Variants in RASSF5 observed in about 807,000 individuals in gnomAD.
RASSF5 encodes the protein ras association domain-containing protein 5.
RASSF5 carries 25 observed loss-of-function variants against 40.5 expected under a neutral mutation model. The ratio of observed to expected loss-of-function variants is 0.62; its 90% CI spans 0.45 to 0.86. RASSF5 has a LOEUF of 0.86. RASSF5 is among the 40% of genes least tolerant of loss of function. The pLI, the probability that RASSF5 is intolerant of heterozygous loss-of-function variation, is 0.00. For synonymous variants in RASSF5, 246 were observed against 252.4 expected (o/e 0.97, Z 0.24); for missense variants, 521 against 572.8 (o/e 0.91, Z 0.92).
At chr1:206,585,085 G>A (rs556937428) in intron 4 of RASSF5, 95 bp from the exon 5 acceptor site, 19 of 850,510 alleles carry the variant, frequency 2.2e-5, no homozygotes, top group African/African-American at 1.2e-4. Context: ...CCAGTTGTAC[G>A]TACCCCACCT....
At chr1:206,550,222 A>G (rs1418243123) in intron 2 of RASSF5, among the ~76,000 whole-genome samples, 1 of 152,068 alleles carries the variant, frequency 6.6e-6, no homozygotes, top group Non-Finnish European at 1.5e-5. Flanking sequence ...CCACTGTTTC[A>G]TTAGTTGTAT....
At chr1:206,566,437 T>C (rs1930432) in intron 2 of RASSF5, among the ~76,000 whole-genome samples, 82,977 of 151,956 alleles carry the variant, frequency 0.55, 22,895 homozygotes, top group Middle Eastern at 0.68. Flanking sequence ...CAGCCTCCAA[T>C]TCGTGAACCC....
At chr1:206,573,059 T>C (rs547755966) in intron 2 of RASSF5, among the ~76,000 whole-genome samples, 3 of 152,254 alleles carry the variant, frequency 2.0e-5, no homozygotes, top group Non-Finnish European at 4.4e-5. Flanking sequence ...ATTTGGATGA[T>C]GACGCACTAG....
At chr1:206,529,789 G>A (rs782530007) in intron 1 of RASSF5, 1 of 429,264 alleles carries the variant, frequency 2.3e-6, no homozygotes, top group Non-Finnish European at 4.3e-6. Context: ...ACCAGGTGTG[G>A]TGGTGTGTGC....
At chr1:206,527,679 C>G (rs1667131488) in intron 1 of RASSF5, among the ~76,000 whole-genome samples, 1 of 152,106 alleles carries the variant, frequency 6.6e-6, no homozygotes, top group Non-Finnish European at 1.5e-5. Flanking sequence ...ACCGAAGCCT[C>G]AGGTGGGGTA....
chr1:206,549,488 C>G (rs1236097446), intron 2 of RASSF5, among the ~76,000 whole-genome samples: 1 of 151,438 alleles, frequency 6.6e-6, no homozygotes, highest in East Asian at 2.0e-4. Context: ...CAGTTGTGGT[C>G]AGTAGTCGAG....
At chr1:206,556,875 A>C (rs1218345129) in intron 2 of RASSF5, among the ~76,000 whole-genome samples, 2 of 151,636 alleles carry the variant, frequency 1.3e-5, no homozygotes, top group African/African-American at 4.9e-5. Context: ...GGGAGGAGGG[A>C]TGGTGTTGCC....
intron 1 of RASSF5, among the ~76,000 whole-genome samples, chr1:206,528,059 C>G (rs1553397460): frequency 6.6e-6 from 1 of 152,094 alleles, no homozygotes; most frequent in Non-Finnish European, 1.5e-5. Flanking sequence ...CAACTTTATT[C>G]AGAGTTGCCA....
intron 1 of RASSF5, among the ~76,000 whole-genome samples, chr1:206,515,125 T>C (rs1161801140): frequency 1.3e-5 from 2 of 152,196 alleles, no homozygotes; most frequent in African/African-American, 4.8e-5. Context: ...CGCAAGTTAG[T>C]TGAGTTTACT....
In RASSF5 at chr1:206,583,303, C is replaced by G; in HGVS notation, c.614C>G (p.Pro205Arg). The change falls in exon 3 of 6, where the codon CCG (proline) becomes CGG (arginine). Residue 205 changes from proline (P) to arginine (R), a missense_variant. By Grantham distance (103) the Pro-to-Arg change is moderately radical. This residue lies in a region of RASSF5 where 284 missense variants were observed against 360.8 expected (regional missense o/e 0.79). Coordinates refer to ENST00000579436, the MANE Select transcript of RASSF5 (RefSeq NM_182663.4). ...AAACCTGTGGAGGAGACACAGCGCC[C>G]GCCCACACTGCAGGAGATCAAGCAG... ...VCKPVEETQR[P>R]PTLQEIKQKI... 1 of 1,613,798 alleles carries G rather than the reference C, an allele frequency of 6.2e-7. No individual in the cohort carries two copies. Among genetic ancestry groups the G allele is most frequent in the Non-Finnish European group, 8.5e-7 (1 of 1,179,818 alleles).
At chr1:206,517,845 C>T (rs1376473267) in intron 1 of RASSF5, among the ~76,000 whole-genome samples, 1 of 152,156 alleles carries the variant, frequency 6.6e-6, no homozygotes, top group Non-Finnish European at 1.5e-5. Flanking sequence ...AAATGAATGG[C>T]CTGACCCTCT....
rs548916673 is a variant in RASSF5 at position 206,508,653 on chromosome 1, GC to G, written c.457+599del. Among the ~76,000 whole-genome samples the G allele has an allele frequency of 6.6e-4, 101 of 152,176 alleles. 2 individuals are homozygous for G. The highest frequency in any genetic ancestry group is 2.4e-3 in the African/African-American group (98 of 41,516). On this transcript the variant is annotated intron_variant, in intron 1 of 5. Coordinates refer to ENST00000579436, the MANE Select transcript of RASSF5 (RefSeq NM_182663.4). ...GAGCCTGAAGTCACCCTGAACCCGT[GC>G]CCCCTCCTGCCTTTCACCTCTGGCC...
intron 1 of RASSF5, among the ~76,000 whole-genome samples, chr1:206,523,440 T>A (rs1418017021): frequency 3.4e-5 from 4 of 116,682 alleles, no homozygotes. Context: ...ATATATTTTA[T>A]ATATAATATA....
At chr1:206,520,388 C>T (rs1006999619) in intron 1 of RASSF5, among the ~76,000 whole-genome samples, 12 of 152,136 alleles carry the variant, frequency 7.9e-5, no homozygotes, top group African/African-American at 2.4e-4. Flanking sequence ...AGGCAGATCA[C>T]CTGAGGTCAG....
intron 1 of RASSF5, among the ~76,000 whole-genome samples, chr1:206,527,610 C>T (rs576655199): frequency 1.0e-3 from 157 of 152,262 alleles, no homozygotes; most frequent in Admixed American, 0.01. Flanking sequence ...GGCTGAGTGG[C>T]TTGGTTGAGC....
At chr1:206,581,828 G>A (rs1223360171) in intron 2 of RASSF5, among the ~76,000 whole-genome samples, 1 of 152,084 alleles carries the variant, frequency 6.6e-6, no homozygotes, top group Non-Finnish European at 1.5e-5. Flanking sequence ...AGGGTGGCGT[G>A]TCTCCCACAT....
rs147500469 is a variant in RASSF5 at position 206,526,870 on chromosome 1, G to A, written c.458-11302G>A. 4.4e-3 allele frequency among the ~76,000 whole-genome samples: 673 copies of A among 152,280 alleles called. 15 individuals carry two copies. Among genetic ancestry groups the A allele is most frequent in the Admixed American group, 0.038 (589 of 15,300 alleles). ...TGGGTGGACTCAGGCATCTCATAGC[G>A]TTGAAAATGACAGCTGCCATTTATT... On this transcript the variant is annotated intron_variant, in intron 1 of 5. Coordinates refer to ENST00000579436, the MANE Select transcript of RASSF5 (RefSeq NM_182663.4).
chr1:206,578,196 C>T (rs1396514562), intron 2 of RASSF5, among the ~76,000 whole-genome samples: 1 of 149,150 alleles, frequency 6.7e-6, no homozygotes. Flanking sequence ...AGTGCACTCT[C>T]GACTGGGTGA....
chr1:206,579,697 C>A lies in RASSF5; in HGVS notation c.580-3572C>A, dbSNP rs115172613. On this transcript the variant is annotated intron_variant, in intron 2 of 5. Coordinates refer to ENST00000579436, the MANE Select transcript of RASSF5 (RefSeq NM_182663.4). The surrounding 1 kb of genome is among the most constrained non-coding windows in gnomAD (Gnocchi z 4.2). ...TCCCATGCCCAGACTGCACCCCAGA[C>A]CAATTAAATCAGAATCTCCAGGGAT... 5.4e-3 allele frequency among the ~76,000 whole-genome samples: 821 copies of A among 152,308 alleles called. 11 individuals are homozygous for A. Among genetic ancestry groups the A allele is most frequent in the African/African-American group, 0.019 (771 of 41,544 alleles).
Sources: gnomAD v4.1 joint callset for allele counts (sites outside exome capture counted in the v4.1 genomes callset) on GRCh38, gnomAD v4.1.1 for gene constraint, gnomAD v4.1.1 regional missense constraint, Gnocchi (gnomAD v3.1) non-coding constraint, MANE v1.5 for transcripts, NCBI Gene and HGNC (gene_info 2026-07-23, HGNC 2026-07-21) for gene names.